Variants in CYP7B1 observed in about 807,000 individuals in gnomAD.
CYP7B1 encodes cytochrome P450 7B1.
Under a neutral mutation model 42.7 loss-of-function variants are expected in CYP7B1, and 29 were observed. The ratio of observed to expected loss-of-function variants is 0.68; its 90% CI spans 0.51 to 0.93. CYP7B1 has a LOEUF of 0.93. CYP7B1 is among the 40% of genes least tolerant of loss of function. CYP7B1 has a pLI of 0.00. For missense variants in CYP7B1, 655 were observed against 600.5 expected (o/e 1.09, Z -0.95); for synonymous variants, 235 against 218.2 (o/e 1.08, Z -0.68).
At chr8:64,766,510 C>T (rs987616182) in intron 1 of CYP7B1, among the ~76,000 whole-genome samples, 5 of 148,450 alleles carry the variant, frequency 3.4e-5, no homozygotes, top group Admixed American at 6.7e-5. Flanking sequence ...ACGGGACAAA[C>T]GGGATTAAAA....
intron 1 of CYP7B1, among the ~76,000 whole-genome samples, chr8:64,670,213 GT>G (rs2129631668): frequency 6.6e-6 from 1 of 152,258 alleles, no homozygotes; most frequent in Non-Finnish European, 1.5e-5. Context: ...TTACCTGAAA[GT>G]CAGATACAGC....
intron 1 of CYP7B1, among the ~76,000 whole-genome samples, chr8:64,762,527 A>C (rs1479097326): frequency 6.6e-6 from 1 of 152,220 alleles, no homozygotes; most frequent in Non-Finnish European, 1.5e-5. Flanking sequence ...ATAGGTAAAA[A>C]AAATAGGTTA....
chr8:64,711,446 G>C (rs540737398), intron 1 of CYP7B1, among the ~76,000 whole-genome samples: 45 of 152,312 alleles, frequency 3.0e-4, no homozygotes, highest in African/African-American at 1.0e-3. Flanking sequence ...GCGCTACAAA[G>C]AGGGTGAGGT....
chr8:64,631,731 A>C (rs1805699788), intron 1 of CYP7B1, among the ~76,000 whole-genome samples: 1 of 152,214 alleles, frequency 6.6e-6, no homozygotes, highest in African/African-American at 2.4e-5. Context: ...TAAAAATCCT[A>C]ATAACCCAAT....
At chr8:64,659,659 C>T (rs1806172333) in intron 1 of CYP7B1, among the ~76,000 whole-genome samples, 1 of 152,114 alleles carries the variant, frequency 6.6e-6, no homozygotes, top group South Asian at 2.1e-4. Flanking sequence ...AAAACATTAG[C>T]ATAATCACGG....
At position 64,596,897 on chromosome 8, in the gene CYP7B1, A is replaced by G; in HGVS notation, c.1266T>C (p.Gly422=). ...EFRYDRFIED[G]KKKTTFFKRG... is the part of the protein sequence containing the mutation. The stretch of plus-strand genomic sequence containing the variant: ...TTTTGAAAAAGGTGGTTTTCTTCTT[A>G]CCATCTTCTATAAAACGATCATATC... The change falls in exon 6 of 6, where the codon GGT becomes GGC. Residue 422 remains glycine (G), a synonymous_variant. Coordinates refer to ENST00000310193, the MANE Select transcript of CYP7B1 (RefSeq NM_004820.5). 6.2e-7 allele frequency: 1 copy of G among 1,612,902 alleles called. No homozygotes were observed. The highest frequency in any genetic ancestry group is 8.5e-7 in the Non-Finnish European group (1 of 1,179,120).
intron 1 of CYP7B1, among the ~76,000 whole-genome samples, chr8:64,756,010 T>C (rs1423573070): frequency 6.6e-6 from 1 of 152,214 alleles, no homozygotes; most frequent in Admixed American, 6.5e-5. Flanking sequence ...TGTAGTCTGC[T>C]GAGCCCTATT....
At chr8:64,750,645 G>A (rs1807712829) in intron 1 of CYP7B1, among the ~76,000 whole-genome samples, 1 of 152,116 alleles carries the variant, frequency 6.6e-6, no homozygotes, top group Non-Finnish European at 1.5e-5. Context: ...TAGCAGGAGA[G>A]GGAACCAAGC....
chr8:64,796,856 G>A (rs1804710051), intron 1 of CYP7B1, among the ~76,000 whole-genome samples: 1 of 152,120 alleles, frequency 6.6e-6, no homozygotes, highest in African/African-American at 2.4e-5. Context: ...GAATATATCA[G>A]GGACTCTTAA....
At chr8:64,614,138 T>C (rs921040988) in intron 4 of CYP7B1, among the ~76,000 whole-genome samples, 10 of 152,120 alleles carry the variant, frequency 6.6e-5, no homozygotes, top group Admixed American at 2.6e-4. Context: ...TGGTATGGAA[T>C]TTAACTTTGG....
At chr8:64,692,626 T>C (rs1338914332) in intron 1 of CYP7B1, among the ~76,000 whole-genome samples, 1 of 152,208 alleles carries the variant, frequency 6.6e-6, no homozygotes, top group African/African-American at 2.4e-5. Flanking sequence ...CATCTGACTT[T>C]ATCACATTGA....
At chr8:64,633,744 T>C (rs1330949026) in intron 1 of CYP7B1, among the ~76,000 whole-genome samples, 1 of 152,154 alleles carries the variant, frequency 6.6e-6, no homozygotes, top group East Asian at 1.9e-4. Context: ...TAGTAAGATG[T>C]TTTATGGATA....
At chr8:64,718,579 C>T (rs1807191402) in intron 1 of CYP7B1, among the ~76,000 whole-genome samples, 1 of 152,232 alleles carries the variant, frequency 6.6e-6, no homozygotes, top group Non-Finnish European at 1.5e-5. Context: ...CTGGGGCATA[C>T]ATGGGCTTCC....
chr8:64,792,098 A>T (rs1804627239), intron 1 of CYP7B1, among the ~76,000 whole-genome samples: 1 of 152,198 alleles, frequency 6.6e-6, no homozygotes. Flanking sequence ...AGTAAAAGGG[A>T]TCCTTATATA....
At chr8:64,795,483 C>T (rs767207950) in intron 1 of CYP7B1, among the ~76,000 whole-genome samples, 3 of 152,190 alleles carry the variant, frequency 2.0e-5, no homozygotes, top group Non-Finnish European at 4.4e-5. Flanking sequence ...CTGGACCTCT[C>T]CCCTGAGCTT....
intron 1 of CYP7B1, among the ~76,000 whole-genome samples, chr8:64,730,372 C>A (rs1270941770): frequency 1.3e-5 from 2 of 151,894 alleles, no homozygotes; most frequent in Non-Finnish European, 2.9e-5. Context: ...GCCCAGTCAT[C>A]TTTGTTGTCC....
rs930445561 is a variant in CYP7B1, at chr8:64,731,177, G to C, written c.122+67289C>G. Among the ~76,000 whole-genome samples the C allele has an allele frequency of 2.0e-5, 3 of 152,320 alleles. No homozygotes were observed. In the East Asian group the frequency reaches 5.8e-4, roughly 29 times the overall value. On this transcript the variant is annotated intron_variant, in intron 1 of 5. Coordinates refer to ENST00000310193, the MANE Select transcript of CYP7B1 (RefSeq NM_004820.5). The stretch of plus-strand genomic sequence containing the variant: ...GGAGTATAGTAAACTGGTACCAGGA[G>C]TGGGGTGATGCTGCAGATACCCAAA...
At chr8:64,670,047 T>A (rs58573805) in intron 1 of CYP7B1, among the ~76,000 whole-genome samples, 8,014 of 152,248 alleles carry the variant, frequency 0.053, 783 homozygotes, top group African/African-American at 0.18. Context: ...CTATTCCAAC[T>A]CCAATTTGTC....
intron 1 of CYP7B1, among the ~76,000 whole-genome samples, chr8:64,717,027 A>G (rs1226203459): frequency 2.0e-5 from 3 of 152,212 alleles, no homozygotes; most frequent in South Asian, 2.1e-4. Flanking sequence ...CAGCATGGTT[A>G]TAGCTTCTTA....
Sources: allele counts gnomAD v4.1 joint callset (sites outside exome capture counted in the v4.1 genomes callset), GRCh38; gene constraint gnomAD v4.1.1; transcripts MANE v1.5; gene names NCBI Gene and HGNC (gene_info 2026-07-23, HGNC 2026-07-21).